Variants in MTMR6 observed in about 807,000 individuals in gnomAD.
MTMR6 encodes phosphatidylinositol-3,5-bisphosphate 3-phosphatase MTMR6.
Under a neutral mutation model 80.1 loss-of-function variants are expected in MTMR6, and 47 were observed. That is an observed-to-expected ratio of 0.59 (90% confidence interval 0.46 to 0.75). The LOEUF is 0.75. MTMR6 is among the 30% of genes least tolerant of loss of function. MTMR6 has a pLI of 0.00. For missense variants in MTMR6, 629 were observed against 730.9 expected (o/e 0.86, Z 1.61); for synonymous variants, 254 against 253.0 (o/e 1.00, Z -0.04).
Position 25,249,124 on chromosome 13 carries a change from A to T in MTMR6, c.*108T>A. ...TTCCTTCAACTATTAGCCTACTGTT[A>T]AACCCTAAAATTGTTATTAGACAAA... On this transcript the variant is annotated 3_prime_UTR_variant, in exon 14 of 14. Transcript: ENST00000381801. 8.1e-7 allele frequency: 1 copy of T among 1,239,882 alleles called. No homozygotes were observed. The highest frequency in any genetic ancestry group is 1.1e-6 in the Non-Finnish European group (1 of 896,588). 76.8% of individuals were successfully genotyped at this position (1,239,882 alleles called of 1,614,324 possible).
At chr13:25,253,629 T>C in intron 11 of MTMR6, 135 bp downstream of exon 11, 1 of 789,306 alleles carries the variant, frequency 1.3e-6, no homozygotes, top group Non-Finnish European at 2.0e-6. Flanking sequence ...TACTCAGCTT[T>C]AGAAATACAA....
chr13:25,286,478 G>A (rs1593161381), intron 1 of MTMR6, among the ~76,000 whole-genome samples: 1 of 152,312 alleles, frequency 6.6e-6, no homozygotes, highest in African/African-American at 2.4e-5. Flanking sequence ...GTAACATTCT[G>A]ATGTCATTTC....
At chr13:25,273,282 C>T (rs1290688015) in intron 2 of MTMR6, among the ~76,000 whole-genome samples, 6 of 151,864 alleles carry the variant, frequency 4.0e-5, no homozygotes, top group African/African-American at 1.2e-4. Context: ...AATTTTACTC[C>T]CAGACAAATA....
At chr13:25,257,088 A>T (rs1329008124) in intron 9 of MTMR6, 108 bp downstream of exon 9, 2 of 1,193,250 alleles carry the variant, frequency 1.7e-6, no homozygotes, top group Non-Finnish European at 2.3e-6. Context: ...TGCCAGTCTC[A>T]TCATTTCCTT....
At chr13:25,279,250 TTC>T (rs1408607504) in intron 1 of MTMR6, among the ~76,000 whole-genome samples, 2 of 152,172 alleles carry the variant, frequency 1.3e-5, no homozygotes, top group Non-Finnish European at 2.9e-5. Flanking sequence ...CCCCATGCTG[TTC>T]TCTCTTCACA....
intron 13 of MTMR6, among the ~76,000 whole-genome samples, chr13:25,250,494 C>A (rs1182693860): frequency 6.6e-6 from 1 of 152,038 alleles, no homozygotes; most frequent in African/African-American, 2.4e-5. Flanking sequence ...AATATGCCAA[C>A]AGAAAAATGA....
At chr13:25,285,345 T>C (rs1025521928) in intron 1 of MTMR6, among the ~76,000 whole-genome samples, 2 of 151,960 alleles carry the variant, frequency 1.3e-5, no homozygotes, top group African/African-American at 2.4e-5. Flanking sequence ...TTTGCTCTAG[T>C]TGATCAGATT....
chr13:25,249,350 C>T lies in MTMR6; in HGVS notation c.1748G>A (p.Arg583Gln). 2 of 1,614,068 alleles carry T rather than the reference C, an allele frequency of 1.2e-6. No individual in the cohort carries two copies. The highest frequency in any genetic ancestry group is 1.7e-6 in the Non-Finnish European group (2 of 1,179,980). The change falls in exon 14 of 14, where the codon CGA (arginine) becomes CAA (glutamine). Residue 583 changes from arginine to glutamine, a missense_variant. Arg to Gln is a conservative substitution (Grantham distance 43). Transcript: ENST00000381801. Reference sequence around the variant, plus strand: ...TGCCGGGCTGCTGCCCTCTATAGTTCGAAGAGCATCATTTACGGGTAGCAG... The same window carrying T: ...TGCCGGGCTGCTGCCCTCTATAGTTTGAAGAGCATCATTTACGGGTAGCAG... ...QTLLPVNDAL[R>Q]TIEGSSPADN... is the part of the protein sequence containing the mutation.
chr13:25,270,894 TA>T (rs1188737743), intron 2 of MTMR6, among the ~76,000 whole-genome samples: 3 of 152,200 alleles, frequency 2.0e-5, no homozygotes, highest in Admixed American at 2.0e-4. Context: ...AATTGACCTC[TA>T]ATCTTGATTC....
At chr13:25,265,256 G>A (rs895234047) in intron 5 of MTMR6, among the ~76,000 whole-genome samples, 6 of 152,008 alleles carry the variant, frequency 3.9e-5, no homozygotes, top group Non-Finnish European at 7.4e-5. Context: ...GAGAACCACA[G>A]GAAAGAAAGA....
chr13:25,254,906 A>G (rs1486711043), intron 9 of MTMR6, among the ~76,000 whole-genome samples: 1 of 152,112 alleles, frequency 6.6e-6, no homozygotes, highest in Non-Finnish European at 1.5e-5. Context: ...AAAACTAATG[A>G]TAAAAAGACC....
chr13:25,267,982 C>G lies in MTMR6; in HGVS notation c.142-41G>C, dbSNP rs1343023197. On this transcript the variant is annotated intron_variant, in intron 2 of 13. Transcript: ENST00000381801. Reference sequence around the variant, plus strand: ...ACATCCAGGTCATCAACATGGAAAGCACTAAATATTCTCTTCTAGAATGCA... The same window carrying G: ...ACATCCAGGTCATCAACATGGAAAGGACTAAATATTCTCTTCTAGAATGCA... The G allele has an allele frequency of 2.6e-6, 4 of 1,529,518 alleles. No individual in the cohort carries two copies. The East Asian group carries it at 9.2e-5, about 35-fold the overall frequency. 94.7% of individuals were successfully genotyped at this position (1,529,518 alleles called of 1,614,324 possible).
intron 2 of MTMR6, among the ~76,000 whole-genome samples, chr13:25,271,396 T>C (rs1957572790): frequency 6.6e-6 from 1 of 152,162 alleles, no homozygotes; most frequent in Non-Finnish European, 1.5e-5. Context: ...ACCCAAGCAG[T>C]GAACAGCAGA....
chr13:25,266,081 C>G (rs1392406791), intron 4 of MTMR6, 48 bp downstream of exon 4: 1 of 1,606,278 alleles, frequency 6.2e-7, no homozygotes, highest in Non-Finnish European at 8.5e-7. Flanking sequence ...CTCTCTAACC[C>G]TCTGGTACTA....
At position 25,251,540 on chromosome 13, in the gene MTMR6, C is replaced by A; in HGVS notation, c.1605+109G>T. On this transcript the variant is annotated intron_variant, in intron 13 of 13. Coordinates refer to ENST00000381801, the MANE Select transcript of MTMR6 (RefSeq NM_004685.5). This position sits in a 1 kb window ranked among gnomAD's most constrained non-coding sequence, Gnocchi z 4.1. ...TAGGGATGACCTGATTTTGAAGAAA[C>A]TGCTTACTTCAGAAGTTTATGTGCT... 1.0e-6 allele frequency: 1 copy of A among 989,742 alleles called. No homozygotes were observed. The highest frequency in any genetic ancestry group is 1.7e-5 in the South Asian group (1 of 57,978). The allele number at this position is 989,742 out of a possible 1,614,324, so 61.3% of individuals were successfully genotyped here.
intron 7 of MTMR6, 146 bp downstream of exon 7, chr13:25,258,414 A>G (rs1957261650): frequency 1.7e-6 from 1 of 578,098 alleles, no homozygotes; most frequent in East Asian, 3.6e-5. Flanking sequence ...TGTTTATAAT[A>G]TATTAAGTAA....
At chr13:25,269,626 G>A (rs1010060425) in intron 2 of MTMR6, among the ~76,000 whole-genome samples, 2 of 151,936 alleles carry the variant, frequency 1.3e-5, no homozygotes, top group Non-Finnish European at 2.9e-5. Context: ...TTGTTTTGTA[G>A]TGAGGGATGA....
rs1957441668 is a variant in MTMR6 at position 25,265,808 on chromosome 13, A to G, written c.591+11T>C. ...TACTTTATTTCTAAAATCAAAAGAAAAGCATCCTACCTCCTTATCTTGATG... is the reference window on the plus strand; with the variant it reads ...TACTTTATTTCTAAAATCAAAAGAAGAGCATCCTACCTCCTTATCTTGATG... On this transcript the variant is annotated intron_variant, in intron 5 of 13. Transcript: ENST00000381801. 1 of 1,602,404 alleles carries G rather than the reference A, an allele frequency of 6.2e-7. No homozygotes were observed.
At chr13:25,273,488 A>G (rs1957629146) in intron 2 of MTMR6, among the ~76,000 whole-genome samples, 1 of 151,446 alleles carries the variant, frequency 6.6e-6, no homozygotes, top group African/African-American at 2.4e-5. Flanking sequence ...ATGTGTACAT[A>G]TTTTTTAGAT....
Sources: gnomAD v4.1 joint callset for allele counts (sites outside exome capture counted in the v4.1 genomes callset) on GRCh38, gnomAD v4.1.1 for gene constraint, Gnocchi (gnomAD v3.1) non-coding constraint, MANE v1.5 for transcripts, NCBI Gene and HGNC (gene_info 2026-07-23, HGNC 2026-07-21) for gene names.